Variants in ROCK2 observed in about 807,000 individuals in gnomAD.
ROCK2 encodes the protein rho-associated protein kinase 2.
A neutral mutation model predicts 195.1 loss-of-function variants in ROCK2; 61 were observed. The ratio of observed to expected loss-of-function variants is 0.31; its 90% CI spans 0.25 to 0.39. The LOEUF is 0.39. Ranked by LOEUF, ROCK2 falls within the 10% of genes least tolerant of loss-of-function variation. The pLI is 1.00. For synonymous variants in ROCK2, 504 were observed against 545.5 expected (o/e 0.92, Z 1.06); for missense variants, 1,109 against 1,637.4 (o/e 0.68, Z 5.57).
chr2:11,326,609 G>A (rs1452333448), intron 1 of ROCK2, among the ~76,000 whole-genome samples: 1 of 152,194 alleles, frequency 6.6e-6, no homozygotes, highest in East Asian at 1.9e-4. Flanking sequence ...ATATCATGCA[G>A]TAAGAAATGA....
At chr2:11,295,375 T>A (rs1667479101) in intron 1 of ROCK2, among the ~76,000 whole-genome samples, 1 of 152,090 alleles carries the variant, frequency 6.6e-6, no homozygotes, top group South Asian at 2.1e-4. Flanking sequence ...AAAAGTATTT[T>A]CCATATTTGA....
At chr2:11,270,780 T>C (rs1414166816) in intron 3 of ROCK2, among the ~76,000 whole-genome samples, 1 of 152,262 alleles carries the variant, frequency 6.6e-6, no homozygotes, top group Non-Finnish European at 1.5e-5. Flanking sequence ...AGCATATTAA[T>C]CAAAGTTCTT....
At chr2:11,248,310 T>C (rs1665694133) in intron 4 of ROCK2, among the ~76,000 whole-genome samples, 1 of 152,056 alleles carries the variant, frequency 6.6e-6, no homozygotes, top group Non-Finnish European at 1.5e-5. Context: ...AACTGGTGTA[T>C]ACCTAATCTT....
intron 1 of ROCK2, among the ~76,000 whole-genome samples, chr2:11,318,843 C>A (rs1296702375): frequency 6.6e-6 from 1 of 152,154 alleles, no homozygotes; most frequent in Non-Finnish European, 1.5e-5. Flanking sequence ...TCTCCCAGCA[C>A]CATTTGTTGA....
At chr2:11,236,471 T>C (rs866430161) in intron 4 of ROCK2, among the ~76,000 whole-genome samples, 1 of 152,024 alleles carries the variant, frequency 6.6e-6, no homozygotes, top group Non-Finnish European at 1.5e-5. Flanking sequence ...GTAGCCATAT[T>C]TGGAAGACGC....
rs1272592072 is a variant in ROCK2, at chr2:11,344,559, C to T, written c.-423G>A. 1 of 928,060 alleles carries T rather than the reference C, an allele frequency of 1.1e-6. No homozygotes were observed. The highest frequency in any genetic ancestry group is 1.3e-6 in the Non-Finnish European group (1 of 779,426). 57.5% of individuals were successfully genotyped at this position (928,060 alleles called of 1,614,324 possible). A position where few individuals can be genotyped will look rare whatever the true frequency, so the allele number is the denominator to read the frequency against. On this transcript the variant is annotated 5_prime_UTR_variant, in exon 1 of 33. Transcript: ENST00000315872. This position sits in a 1 kb window ranked among gnomAD's most constrained non-coding sequence, Gnocchi z 5.4. The stretch of plus-strand genomic sequence containing the variant: ...GGCCACTACGGCCGCCGCCGGCCCG[C>T]TGCCATGGTCGCCGCCGGCCGCCTT...
chr2:11,253,865 T>TA (rs1665921926), intron 3 of ROCK2, among the ~76,000 whole-genome samples: 1 of 152,220 alleles, frequency 6.6e-6, no homozygotes, highest in African/African-American at 2.4e-5. Flanking sequence ...GAAAATAAGG[T>TA]AAACCAAAGA....
chr2:11,187,270 T>C (rs1333994997), intron 32 of ROCK2, among the ~76,000 whole-genome samples: 2 of 152,198 alleles, frequency 1.3e-5, no homozygotes, highest in African/African-American at 4.8e-5. Context: ...CAAAACAACT[T>C]AGAAGTTTTA....
chr2:11,328,305 T>TTG (rs1553319492), intron 1 of ROCK2, among the ~76,000 whole-genome samples: 1 of 151,760 alleles, frequency 6.6e-6, no homozygotes, highest in African/African-American at 2.4e-5. Flanking sequence ...ATGCTACATT[T>TTG]GGGGGGGGAA....
chr2:11,235,869 C>T lies in ROCK2; in HGVS notation c.556G>A (p.Val186Met). The T allele has an allele frequency of 6.2e-7, 1 of 1,613,874 alleles. No homozygotes were observed. The highest frequency in any genetic ancestry group is 8.5e-7 in the Non-Finnish European group (1 of 1,179,938). ...TAAAATTTGGCCCATTTTTCAGGCA[C>T]ATCATAATTACTCATAAGGTTTACA... is the stretch of plus-strand genomic sequence containing the variant. ...DLVNLMSNYD[V>M]PEKWAKFYTA... The change falls in exon 5 of 33, where the codon GTG (valine) becomes ATG (methionine). Residue 186 changes from valine to methionine, a missense_variant. Around this residue, in one of 6 missense-constraint regions of ROCK2, gnomAD observed 253 missense variants for 455.5 expected, o/e 0.56. Coordinates refer to ENST00000315872, the MANE Select transcript of ROCK2 (RefSeq NM_004850.5). The surrounding 1 kb of genome is among the most constrained non-coding windows in gnomAD (Gnocchi z 4.2).
At chr2:11,286,402 T>TGAG (rs1291881479) in intron 3 of ROCK2, 137 bp downstream of exon 3, 1 of 602,668 alleles carries the variant, frequency 1.7e-6, no homozygotes, top group Non-Finnish European at 3.0e-6. Context: ...CTTTTATAGA[T>TGAG]GAGGACACTG....
chr2:11,224,743 A>G (rs1447816554), intron 6 of ROCK2, among the ~76,000 whole-genome samples: 1 of 151,726 alleles, frequency 6.6e-6, no homozygotes, highest in Non-Finnish European at 1.5e-5. Context: ...TTAATTTAAG[A>G]GAGGAAATGT....
At chr2:11,263,037 A>G (rs960458761) in intron 3 of ROCK2, among the ~76,000 whole-genome samples, 37 of 152,312 alleles carry the variant, frequency 2.4e-4, no homozygotes, top group African/African-American at 8.9e-4. Context: ...GGATACAGAA[A>G]TTACAAAAAC....
At chr2:11,189,006 C>T (rs1159951108) in intron 32 of ROCK2, among the ~76,000 whole-genome samples, 1 of 150,968 alleles carries the variant, frequency 6.6e-6, no homozygotes, top group Non-Finnish European at 1.5e-5. Context: ...CACTACACTC[C>T]AGCCTGGGTG....
chr2:11,330,815 G>T (rs1572417279), intron 1 of ROCK2, among the ~76,000 whole-genome samples: 1 of 21,040 alleles, frequency 4.8e-5, no homozygotes, highest in Non-Finnish European at 1.1e-4. Flanking sequence ...AGAGGAGGAA[G>T]GGGAGGAGGA....
chr2:11,322,480 G>T (rs1343269296), intron 1 of ROCK2, among the ~76,000 whole-genome samples: 1 of 151,676 alleles, frequency 6.6e-6, no homozygotes, highest in South Asian at 2.1e-4. Flanking sequence ...TCGCATTCAT[G>T]TCATGAATGC....
Position 11,344,103 on chromosome 2 carries a change from C to G in ROCK2, c.34G>C (p.Gly12Arg). 1 of 1,513,958 alleles carries G rather than the reference C, an allele frequency of 6.6e-7. No individual in the cohort carries two copies. Among genetic ancestry groups the G allele is most frequent in the Non-Finnish European group, 8.8e-7 (1 of 1,138,628 alleles). The allele number at this position is 1,513,958 out of a possible 1,614,324, so 93.8% of individuals were successfully genotyped here. A position where few individuals can be genotyped will look rare whatever the true frequency, so the allele number is the denominator to read the frequency against. Reference sequence around the variant, plus strand: ...TCCCCCGGCGCGGTCTCGGGGGCGCCGGGCATTTTCCCCGTCGGCGGGGGC... The same window carrying G: ...TCCCCCGGCGCGGTCTCGGGGGCGCGGGGCATTTTCCCCGTCGGCGGGGGC... ...SRPPPTGKMP[G>R]APETAPGDGA... The change falls in exon 1 of 33, where the codon GGC becomes CGC. Residue 12 changes from glycine to arginine, a missense_variant. Gly to Arg is a moderately radical substitution (Grantham distance 125). Around this residue, in one of 6 missense-constraint regions of ROCK2, gnomAD observed 64 missense variants for 62.4 expected, o/e 1.03. Coordinates refer to ENST00000315872, the MANE Select transcript of ROCK2 (RefSeq NM_004850.5). This position sits in a 1 kb window ranked among gnomAD's most constrained non-coding sequence, Gnocchi z 5.4.
chr2:11,337,474 G>C (rs1668965504), intron 1 of ROCK2, among the ~76,000 whole-genome samples: 1 of 152,096 alleles, frequency 6.6e-6, no homozygotes, highest in African/African-American at 2.4e-5. Context: ...GTAAGTGCAA[G>C]AAAAAGTACA....
chr2:11,183,616 C>T (rs1407683112), intron 32 of ROCK2, among the ~76,000 whole-genome samples, 176 bp from the exon 33 acceptor site: 1 of 152,120 alleles, frequency 6.6e-6, no homozygotes, highest in African/African-American at 2.4e-5. Flanking sequence ...CCTATAGGTA[C>T]AACATGCAAT....
Sources: allele counts gnomAD v4.1 joint callset (sites outside exome capture counted in the v4.1 genomes callset), GRCh38; gene constraint gnomAD v4.1.1; regional missense constraint gnomAD v4.1.1; non-coding constraint Gnocchi (gnomAD v3.1); transcripts MANE v1.5; gene names NCBI Gene and HGNC (gene_info 2026-07-23, HGNC 2026-07-21).